The following RASSF5 variants were observed in gnomAD, a reference collection of about 807,000 sequenced individuals.
RASSF5 encodes the protein Ras association domain family member 5.
Under a neutral mutation model 40.5 loss-of-function variants are expected in RASSF5, and 25 were observed. The ratio of observed to expected loss-of-function variants is 0.62; its 90% CI spans 0.45 to 0.86. The LOEUF (loss-of-function observed/expected upper bound fraction) is 0.86, where lower values mean the gene tolerates loss of function less well. RASSF5 is among the 40% of genes least tolerant of loss of function. The probability of loss-of-function intolerance (pLI) is 0.00; values close to 1 mark genes in which losing one functional copy is unlikely to be tolerated. For synonymous variants in RASSF5, 246 were observed against 252.4 expected (o/e 0.97, Z 0.24); for missense variants, 521 against 572.8 (o/e 0.91, Z 0.92).
Position 206,531,883 on chromosome 1 carries a change from T to A in RASSF5, c.458-6289T>A, listed in dbSNP as rs7527789. On this transcript the variant is annotated intron_variant, in intron 1 of 5. Transcript: ENST00000579436. The surrounding 1 kb of genome is among the most constrained non-coding windows in gnomAD (Gnocchi z 4.7). ...AAACCCTGTCTCTACTAAAAAAAAA[T>A]AAATAAATAAATACAAAAATTAGCC... is the stretch of plus-strand genomic sequence containing the variant. 0.78 allele frequency among the ~76,000 whole-genome samples: 117,377 copies of A among 149,906 alleles called. 46,016 individuals are homozygous for A. The highest frequency in any genetic ancestry group is 0.98 in the East Asian group (4,995 of 5,116).
chr1:206,525,105 A>G (rs1667064992), intron 1 of RASSF5, among the ~76,000 whole-genome samples: 1 of 152,044 alleles, frequency 6.6e-6, no homozygotes, highest in Non-Finnish European at 1.5e-5. Flanking sequence ...AGACACCCCT[A>G]CTTCAACACA....
intron 2 of RASSF5, chr1:206,572,622 T>C (rs1668487645): frequency 6.6e-6 from 1 of 152,178 alleles, no homozygotes; most frequent in Admixed American, 6.5e-5. Context: ...GAAAGTATGG[T>C]CACTTCTCCA....
chr1:206,586,874 G>C lies in RASSF5; in HGVS notation c.1153G>C (p.Glu385Gln). ...PELQNFLTIL[E>Q]KEEQDKIQQV... ...ACTTCAGAACTTCCTAACAATCCTGGAAAAAGAGGAGCAGGACAAAATCCA... is the reference window on the plus strand; with the variant it reads ...ACTTCAGAACTTCCTAACAATCCTGCAAAAAGAGGAGCAGGACAAAATCCA... The change falls in exon 6 of 6, where the codon GAA (glutamate) becomes CAA (glutamine). Residue 385 changes from glutamate (E) to glutamine (Q), a missense_variant. This residue lies in a region of RASSF5 where 284 missense variants were observed against 360.8 expected (regional missense o/e 0.79). Coordinates refer to ENST00000579436, the MANE Select transcript of RASSF5 (RefSeq NM_182663.4). 6.2e-7 allele frequency: 1 copy of C among 1,614,048 alleles called. No homozygotes were observed.
intron 2 of RASSF5, among the ~76,000 whole-genome samples, chr1:206,546,897 G>A (rs11119009): frequency 0.51 from 77,398 of 152,070 alleles, 20,287 homozygotes; most frequent in East Asian, 0.74. Context: ...AAGTAGGACC[G>A]TTGTAAGGAG....
intron 2 of RASSF5, among the ~76,000 whole-genome samples, chr1:206,541,191 G>A (rs11587643): frequency 0.52 from 79,342 of 152,046 alleles, 21,005 homozygotes; most frequent in East Asian, 0.73. Flanking sequence ...CACTGCGCCC[G>A]GCCCTCTCTG....
At chr1:206,509,733 T>A (rs1553394376) in intron 1 of RASSF5, among the ~76,000 whole-genome samples, 1 of 152,168 alleles carries the variant, frequency 6.6e-6, no homozygotes, top group East Asian at 1.9e-4. Flanking sequence ...TTTCTTTTTT[T>A]TTTTTGGTTT....
intron 1 of RASSF5, 114 bp from the exon 2 acceptor site, chr1:206,538,058 C>T: frequency 6.9e-7 from 1 of 1,453,144 alleles, no homozygotes; most frequent in Non-Finnish European, 9.5e-7. Context: ...CCACTTCTCT[C>T]CTGCACTGCT....
At chr1:206,583,406 G>C (rs782229900) in intron 3 of RASSF5, 27 bp downstream of exon 3, 122 of 1,497,770 alleles carry the variant, frequency 8.1e-5, no homozygotes, top group Non-Finnish European at 1.1e-4. Context: ...CCTCAACCTG[G>C]CCCCTGCTCC....
chr1:206,531,820 G>C lies in RASSF5; in HGVS notation c.458-6352G>C, dbSNP rs782368486. 6.6e-6 allele frequency among the ~76,000 whole-genome samples: 1 copy of C among 151,976 alleles called. No homozygotes were observed. The highest frequency in any genetic ancestry group is 1.5e-5 in the Non-Finnish European group (1 of 68,002). On this transcript the variant is annotated intron_variant, in intron 1 of 5. Coordinates refer to ENST00000579436, the MANE Select transcript of RASSF5 (RefSeq NM_182663.4). This position sits in a 1 kb window ranked among gnomAD's most constrained non-coding sequence, Gnocchi z 4.7. ...TGGGAGGCCAAGGCAGGCGGATCACGAGGTCAGGAGATCGAGAGCATCCTG... is the reference window on the plus strand; with the variant it reads ...TGGGAGGCCAAGGCAGGCGGATCACCAGGTCAGGAGATCGAGAGCATCCTG...
chr1:206,541,930 G>C (rs1667555279), intron 2 of RASSF5: 1 of 152,226 alleles, frequency 6.6e-6, no homozygotes, highest in Non-Finnish European at 1.5e-5. Context: ...AAGAGAAGAA[G>C]TCTTTGTCCT....
At chr1:206,518,529 G>A (rs554321355) in intron 1 of RASSF5, 1 of 398,452 alleles carries the variant, frequency 2.5e-6, no homozygotes, top group African/African-American at 2.1e-5. Flanking sequence ...CCGCAACGGG[G>A]CCCGGAGGGC....
chr1:206,521,402 A>T (rs1315016711), intron 1 of RASSF5, among the ~76,000 whole-genome samples: 3 of 152,204 alleles, frequency 2.0e-5, no homozygotes, highest in Admixed American at 6.5e-5. Context: ...AACCAGTTGG[A>T]TGTAGTAGCC....
At chr1:206,583,224 C>G (rs782743609) in intron 2 of RASSF5, 45 bp from the exon 3 acceptor site, 1 of 1,316,736 alleles carries the variant, frequency 7.6e-7, no homozygotes, top group East Asian at 2.3e-5. Flanking sequence ...CTTTCTCACC[C>G]TGAGAACTAC....
At position 206,589,419 on chromosome 1, in the gene RASSF5, G is replaced by A. The variant is rs1669270635; in HGVS notation, c.*2441G>A. 6.6e-6 allele frequency: 1 copy of A among 152,362 alleles called. No homozygotes were observed. The highest frequency in any genetic ancestry group is 1.5e-5 in the Non-Finnish European group (1 of 68,042). The allele number at this position is 152,362 out of a possible 1,614,324, so 9.4% of individuals were successfully genotyped here. On this transcript the variant is annotated 3_prime_UTR_variant, in exon 6 of 6. Coordinates refer to ENST00000579436, the MANE Select transcript of RASSF5 (RefSeq NM_182663.4). ...AGTGAGCAGAGAAATGAAGGCTACT[G>A]TTCAAATAATTTGGGAAAAATTGTC...
intron 2 of RASSF5, among the ~76,000 whole-genome samples, chr1:206,539,549 A>G (rs188205528): frequency 1.4e-3 from 210 of 152,332 alleles, no homozygotes; most frequent in African/African-American, 5.0e-3. Context: ...CAAGAATGAT[A>G]TATGTTTTTA....
At chr1:206,537,674 T>C (rs1667451584) in intron 1 of RASSF5, among the ~76,000 whole-genome samples, 1 of 152,236 alleles carries the variant, frequency 6.6e-6, no homozygotes, top group Non-Finnish European at 1.5e-5. Flanking sequence ...GTCATGTCGA[T>C]GCTCAAAGAG....
At chr1:206,553,748 C>T (rs1222896575) in intron 2 of RASSF5, among the ~76,000 whole-genome samples, 7 of 152,134 alleles carry the variant, frequency 4.6e-5, no homozygotes, top group East Asian at 1.9e-4. Flanking sequence ...GAAAGGAAGA[C>T]GGGGGCATAG....
rs782105990 is a variant in RASSF5, at chr1:206,562,639, A to G, written c.580-20630A>G. 5.6e-4 allele frequency among the ~76,000 whole-genome samples: 85 copies of G among 152,204 alleles called. 1 individual carries two copies. The highest frequency in any genetic ancestry group is 1.6e-4 in the Non-Finnish European group (11 of 68,026). Reference sequence around the variant, plus strand: ...CAACAACATCAAGTACTTGGTTACAAAAGCCAGTATTGGCCGGGCGTGGTG... The same window carrying G: ...CAACAACATCAAGTACTTGGTTACAGAAGCCAGTATTGGCCGGGCGTGGTG... On this transcript the variant is annotated intron_variant, in intron 2 of 5. Transcript: ENST00000579436.
At chr1:206,532,097 A>G (rs1189096941) in intron 1 of RASSF5, among the ~76,000 whole-genome samples, 4 of 152,160 alleles carry the variant, frequency 2.6e-5, no homozygotes, top group Admixed American at 1.3e-4. Context: ...TTTCCAATGC[A>G]TATTATTTTT....
Sources: allele counts gnomAD v4.1 joint callset (sites outside exome capture counted in the v4.1 genomes callset), GRCh38; gene constraint gnomAD v4.1.1; regional missense constraint gnomAD v4.1.1; non-coding constraint Gnocchi (gnomAD v3.1); transcripts MANE v1.5; gene names NCBI Gene and HGNC (gene_info 2026-07-23, HGNC 2026-07-21).